Variants in GRIK2 observed in about 807,000 individuals in gnomAD.
The protein encoded by GRIK2 is glutamate receptor ionotropic, kainate 2.
A neutral mutation model predicts 100.3 loss-of-function variants in GRIK2; 32 were observed. The observed-to-expected ratio is 0.32, with a 90% CI of 0.24 to 0.43. GRIK2 has a LOEUF of 0.43. GRIK2 is among the 20% of genes least tolerant of loss of function. The pLI is 1.00. For synonymous variants in GRIK2, 417 were observed against 389.4 expected, an observed-to-expected ratio of 1.07 and a Z score of -0.83; for missense variants, 843 against 1,114.9, an observed-to-expected ratio of 0.76 and a Z score of 3.47.
At position 101,716,953 on chromosome 6, in the gene GRIK2, C is replaced by T. The variant is rs183761202; in HGVS notation, c.951+30600C>T. Among the ~76,000 whole-genome samples, 731 of 151,916 alleles carry T rather than the reference C, an allele frequency of 4.8e-3. 13 individuals are homozygous for T. The highest frequency in any genetic ancestry group is 2.9e-3 in the Admixed American group (44 of 15,206). ...CTTAATCTCCACAGGAATCATTTCC[C>T]CTTTTCTATCAGCCTTCAAAAGCTT... On this transcript the variant is annotated intron_variant, in intron 7 of 16. Coordinates refer to ENST00000369134, the MANE Select transcript of GRIK2 (RefSeq NM_021956.5).
chr6:101,626,763 GA>G, intron 4 of GRIK2, 126 bp downstream of exon 4: 1 of 730,632 alleles, frequency 1.4e-6, no homozygotes, highest in Non-Finnish European at 2.2e-6. Context: ...CTAAGGGGTA[GA>G]AAGACAGAAT....
chr6:101,452,449 G>GT (rs11411818), intron 2 of GRIK2, among the ~76,000 whole-genome samples: 2,101 of 149,120 alleles, frequency 0.014, 32 homozygotes, highest in African/African-American at 0.047. Flanking sequence ...AAATTTTTGT[G>GT]TTTTTTTTTT....
At chr6:101,975,793 G>GTCTATCTA (rs71028092) in intron 14 of GRIK2, among the ~76,000 whole-genome samples, 5 of 96,936 alleles carry the variant, frequency 5.2e-5, no homozygotes, top group South Asian at 3.8e-4. Flanking sequence ...CTGTCTGTCT[G>GTCTATCTA]TCTATCTATC....
chr6:101,594,799 T>A (rs181570760), intron 2 of GRIK2, among the ~76,000 whole-genome samples: 118 of 151,876 alleles, frequency 7.8e-4, no homozygotes, highest in Non-Finnish European at 1.4e-3. Flanking sequence ...GAAATATTTG[T>A]AGTTTAAAAG....
chr6:101,974,853 CA>C (rs1184164480), intron 14 of GRIK2, among the ~76,000 whole-genome samples: 4 of 151,714 alleles, frequency 2.6e-5, no homozygotes, highest in Non-Finnish European at 5.9e-5. Flanking sequence ...ATATATAAAA[CA>C]GTTAATCAAT....
rs1794466644 is a variant in GRIK2 at position 101,993,246 on chromosome 6, A to G, written c.2086-42095A>G. On this transcript the variant is annotated intron_variant, in intron 14 of 16. Transcript: ENST00000369134. Reference sequence around the variant, plus strand: ...GGAAGGAAAGAAGAACAGAAACACAAAATCTTACTGTGTCATTACATGACC... The same window carrying G: ...GGAAGGAAAGAAGAACAGAAACACAGAATCTTACTGTGTCATTACATGACC... The G allele has an allele frequency of 2.0e-5, 3 of 151,576 alleles. No individual in the cohort carries two copies. In the South Asian group the frequency reaches 6.2e-4, roughly 31 times the overall value. The allele number at this position is 151,576 out of a possible 1,614,324, so 9.4% of individuals were successfully genotyped here.
At chr6:101,572,969 C>G (rs541939838) in intron 2 of GRIK2, among the ~76,000 whole-genome samples, 1 of 151,890 alleles carries the variant, frequency 6.6e-6, no homozygotes, top group Non-Finnish European at 1.5e-5. Context: ...GCCTCAGCCT[C>G]CTGAGTAGCT....
chr6:101,631,038 A>G (rs1780720765), intron 4 of GRIK2, among the ~76,000 whole-genome samples: 2 of 152,126 alleles, frequency 1.3e-5, no homozygotes, highest in Admixed American at 1.3e-4. Flanking sequence ...GGAATAGGAT[A>G]AATTCTTAAA....
intron 7 of GRIK2, among the ~76,000 whole-genome samples, chr6:101,792,481 G>A (rs6922406): frequency 0.025 from 3,817 of 151,462 alleles, 166 homozygotes; most frequent in African/African-American, 0.087. Context: ...TAGTTTGGCT[G>A]GATATGAAAT....
intron 2 of GRIK2, among the ~76,000 whole-genome samples, chr6:101,438,481 G>A (rs1034784590): frequency 2.0e-5 from 3 of 151,904 alleles, no homozygotes; most frequent in African/African-American, 4.8e-5. Flanking sequence ...CTCCACTATC[G>A]TACTTATCAA....
At chr6:101,975,835 C>CTATCTATCTATCTATCTATCTATT in intron 14 of GRIK2, among the ~76,000 whole-genome samples, 1 of 151,886 alleles carries the variant, frequency 6.6e-6, no homozygotes, top group East Asian at 2.0e-4. Flanking sequence ...ATCTATCTAT[C>CTATCTATCTATCTATCTATCTATT]TATCTATCTA....
intron 7 of GRIK2, among the ~76,000 whole-genome samples, chr6:101,703,702 A>G (rs1773056287): frequency 6.6e-6 from 1 of 151,794 alleles, no homozygotes; most frequent in South Asian, 2.1e-4. Context: ...ATATAGGTAT[A>G]AATATTCCAG....
chr6:101,624,539 T>G (rs1780338595), intron 3 of GRIK2, among the ~76,000 whole-genome samples: 1 of 152,144 alleles, frequency 6.6e-6, no homozygotes, highest in African/African-American at 2.4e-5. Flanking sequence ...TAATATTATA[T>G]TTTATGGAGA....
intron 2 of GRIK2, among the ~76,000 whole-genome samples, chr6:101,579,285 A>G (rs143379255): frequency 5.4e-4 from 82 of 152,248 alleles, no homozygotes; most frequent in African/African-American, 1.9e-3. Flanking sequence ...AAGGTTGTAT[A>G]TTTCATGATT....
intron 2 of GRIK2, among the ~76,000 whole-genome samples, chr6:101,496,351 T>C (rs1190003979): frequency 6.6e-6 from 1 of 152,204 alleles, no homozygotes; most frequent in Non-Finnish European, 1.5e-5. Context: ...TGTGACATAA[T>C]GGCTGTGATT....
In GRIK2 at chr6:101,626,320, A is replaced by G. The variant is rs920450708; in HGVS notation, c.284-60A>G. 1.5e-5 allele frequency: 21 copies of G among 1,409,644 alleles called. No individual in the cohort carries two copies. The African/African-American group carries it at 2.0e-4, about 13-fold the overall frequency. The allele number at this position is 1,409,644 out of a possible 1,614,324, so 87.3% of individuals were successfully genotyped here. On this transcript the variant is annotated intron_variant, in intron 3 of 16. Coordinates refer to ENST00000369134, the MANE Select transcript of GRIK2 (RefSeq NM_021956.5). ...TTTGGGTTTAAAATAATAATGTGGT[A>G]TCTGTTGGCACACTGGCACCTCTCC...
chr6:101,729,691 AAGAG>A (rs150655159), intron 7 of GRIK2, among the ~76,000 whole-genome samples: 7 of 149,804 alleles, frequency 4.7e-5, no homozygotes, highest in Admixed American at 2.0e-4. Flanking sequence ...GTGGTGTGGG[AAGAG>A]AGAGAGAGAG....
rs114104567 is a variant in GRIK2, at chr6:101,472,326, A to G, written c.115+72934A>G. 7.8e-3 allele frequency among the ~76,000 whole-genome samples: 1,179 copies of G among 151,882 alleles called. 20 individuals carry two copies. The highest frequency in any genetic ancestry group is 0.027 in the African/African-American group (1,118 of 41,502). ...TTGAATTTGTTTTCCCTGTAGAGAT[A>G]TAATACCGTTTGGGAAAAGGTGCTA... On this transcript the variant is annotated intron_variant, in intron 2 of 16. Coordinates refer to ENST00000369134, the MANE Select transcript of GRIK2 (RefSeq NM_021956.5).
intron 2 of GRIK2, among the ~76,000 whole-genome samples, chr6:101,415,199 G>T (rs1776074392): frequency 6.6e-6 from 1 of 151,748 alleles, no homozygotes; most frequent in African/African-American, 2.4e-5. Flanking sequence ...CATGTTTATT[G>T]TAGAAAATAG....
Sources: gnomAD v4.1 joint callset for allele counts (sites outside exome capture counted in the v4.1 genomes callset) on GRCh38, gnomAD v4.1.1 for gene constraint, MANE v1.5 for transcripts, NCBI Gene and HGNC (gene_info 2026-07-23, HGNC 2026-07-21) for gene names.